Variants in TLE4 observed in about 807,000 individuals in gnomAD.
The protein encoded by TLE4 is TLE family member 4, transcriptional corepressor.
Under a neutral mutation model 92.8 loss-of-function variants are expected in TLE4, and 8 were observed. The observed-to-expected ratio is 0.09, with a 90% confidence interval of 0.05 to 0.16. The LOEUF (loss-of-function observed/expected upper bound fraction) is 0.16, where lower values mean the gene tolerates loss of function less well. Among genes scored for constraint, TLE4 ranks in the 10% least tolerant of loss-of-function variants. The probability of loss-of-function intolerance (pLI) is 1.00; values close to 1 mark genes in which losing one functional copy is unlikely to be tolerated. For synonymous variants in TLE4, 371 were observed against 374.1 expected, an observed-to-expected ratio of 0.99 and a Z score of 0.10; for missense variants, 675 against 997.6, an observed-to-expected ratio of 0.68 and a Z score of 4.36.
chr9:79,589,326 T>G (rs2041974135), intron 4 of TLE4, among the ~76,000 whole-genome samples: 1 of 152,284 alleles, frequency 6.6e-6, no homozygotes, highest in African/African-American at 2.4e-5. Flanking sequence ...GGTTTTTTCC[T>G]CCCTTTCCCA....
intron 8 of TLE4, among the ~76,000 whole-genome samples, chr9:79,656,116 C>T (rs998575280): frequency 6.6e-6 from 1 of 152,148 alleles, no homozygotes; most frequent in Non-Finnish European, 1.5e-5. Flanking sequence ...AGTTGTATTA[C>T]GTCAGGTCTG....
chr9:79,679,560 A>G (rs983017896), intron 8 of TLE4, among the ~76,000 whole-genome samples: 12 of 151,872 alleles, frequency 7.9e-5, no homozygotes, highest in African/African-American at 2.4e-4. Context: ...CTCCCATTTT[A>G]TAGGTTGCCT....
intron 8 of TLE4, among the ~76,000 whole-genome samples, chr9:79,682,993 C>A (rs2065045869): frequency 6.6e-6 from 1 of 152,170 alleles, no homozygotes; most frequent in Admixed American, 6.5e-5. Flanking sequence ...AATCTACTTC[C>A]CAGTTTGTTT....
intron 8 of TLE4, among the ~76,000 whole-genome samples, chr9:79,699,616 G>A (rs2069220549): frequency 6.6e-6 from 1 of 152,152 alleles, no homozygotes; most frequent in South Asian, 2.1e-4. Flanking sequence ...GAAGGCCATA[G>A]CTGATGAGCA....
At chr9:79,579,636 A>T (rs1013708873) in intron 4 of TLE4, among the ~76,000 whole-genome samples, 1 of 151,988 alleles carries the variant, frequency 6.6e-6, no homozygotes, top group African/African-American at 2.4e-5. Context: ...TGTATGTTTT[A>T]TGTGTGTATT....
At chr9:79,604,896 A>G (rs1450292156) in intron 4 of TLE4, among the ~76,000 whole-genome samples, 2 of 152,166 alleles carry the variant, frequency 1.3e-5, no homozygotes, top group Admixed American at 1.3e-4. Context: ...AACAAGGAGT[A>G]TCTTCTTCCC....
chr9:79,701,218 A>C (rs535001957), intron 8 of TLE4, among the ~76,000 whole-genome samples: 23 of 152,296 alleles, frequency 1.5e-4, no homozygotes, highest in South Asian at 1.0e-3. Context: ...TGATTGCCCC[A>C]GTGCCCACTG....
In TLE4 at chr9:79,678,278, C is replaced by A. The variant is rs556448638; in HGVS notation, c.609+24203C>A. Among the ~76,000 whole-genome samples the A allele has an allele frequency of 5.9e-5, 9 of 152,196 alleles. No individual in the cohort carries two copies. The East Asian group carries it at 1.7e-3, about 29-fold the overall frequency. ...TCCTGACTTTATAATGAACCTAATG[C>A]AGTAAGGCCAAAAAACTTTGTAGAT... On this transcript the variant is annotated intron_variant, in intron 8 of 19. Coordinates refer to ENST00000376552, the MANE Select transcript of TLE4 (RefSeq NM_007005.6).
intron 4 of TLE4, among the ~76,000 whole-genome samples, chr9:79,606,275 G>C (rs1035783175): frequency 9.3e-6 from 1 of 107,194 alleles, no homozygotes; most frequent in African/African-American, 3.7e-5. Context: ...TTACCAACTT[G>C]CTAGCTATAC....
At chr9:79,622,492 G>A (rs1198074439) in intron 5 of TLE4, among the ~76,000 whole-genome samples, 3 of 152,088 alleles carry the variant, frequency 2.0e-5, no homozygotes, top group Admixed American at 2.0e-4. Context: ...CTTCCTAAGG[G>A]AATCTTCCCC....
At position 79,701,714 on chromosome 9, in the gene TLE4, T is replaced by A. The variant is rs765933092; in HGVS notation, c.610-3069T>A. Among the ~76,000 whole-genome samples, 41 of 152,300 alleles carry A rather than the reference T, an allele frequency of 2.7e-4. 1 individual carries two copies. Among genetic ancestry groups the A allele is most frequent in the Non-Finnish European group, 5.7e-4 (39 of 68,026 alleles). On this transcript the variant is annotated intron_variant, in intron 8 of 19. Transcript: ENST00000376552. ...CTCTAGTGAATGGTCTCCCATGGAA[T>A]TGTTCATCCTAGTGATGCTCAGAAA...
intron 7 of TLE4, chr9:79,653,026 C>A: frequency 1.7e-6 from 1 of 582,996 alleles, no homozygotes; most frequent in Non-Finnish European, 3.2e-6. Flanking sequence ...CTGGTTATTG[C>A]CTTTGATTTC....
At chr9:79,610,303 C>CCATT (rs1263129336) in intron 4 of TLE4, among the ~76,000 whole-genome samples, 1 of 151,986 alleles carries the variant, frequency 6.6e-6, no homozygotes, top group African/African-American at 2.4e-5. Context: ...GGGCCCCACG[C>CCATT]CATTATATTA....
At chr9:79,643,983 GCAGTCAC>G (rs2057654723) in intron 6 of TLE4, among the ~76,000 whole-genome samples, 1 of 152,034 alleles carries the variant, frequency 6.6e-6, no homozygotes, top group African/African-American at 2.4e-5. Context: ...CTTAATACTA[GCAGTCAC>G]CATTTATTGA....
At chr9:79,708,340 A>T in intron 12 of TLE4, 90 bp downstream of exon 12, 1 of 1,440,628 alleles carries the variant, frequency 6.9e-7, no homozygotes, top group Non-Finnish European at 9.5e-7. Context: ...AAAAGTGCTA[A>T]TGACCAGCAT....
chr9:79,650,204 C>T (rs1021804702), intron 6 of TLE4, among the ~76,000 whole-genome samples: 5 of 152,100 alleles, frequency 3.3e-5, no homozygotes, highest in Admixed American at 2.6e-4. Context: ...GCGTGAGCCA[C>T]TGCGCCAGGC....
chr9:79,593,727 G>A (rs1204020693), intron 4 of TLE4, among the ~76,000 whole-genome samples: 1 of 152,166 alleles, frequency 6.6e-6, no homozygotes, highest in East Asian at 1.9e-4. Context: ...CATCATATAT[G>A]CTGTGTCTGA....
intron 5 of TLE4, among the ~76,000 whole-genome samples, chr9:79,623,558 T>C (rs1179369844): frequency 6.6e-6 from 1 of 152,194 alleles, no homozygotes; most frequent in Non-Finnish European, 1.5e-5. Context: ...ACCATGTTTG[T>C]ATTGCTTAAA....
At chr9:79,721,942 G>C (rs567447719) in intron 17 of TLE4, 54 bp downstream of exon 17, 2 of 1,569,298 alleles carry the variant, frequency 1.3e-6, no homozygotes, top group South Asian at 2.3e-5. Context: ...TGAGGTGGGC[G>C]GATCACCAGG....
Sources: gnomAD v4.1 joint callset for allele counts (sites outside exome capture counted in the v4.1 genomes callset) on GRCh38, gnomAD v4.1.1 for gene constraint, MANE v1.5 for transcripts, NCBI Gene and HGNC (gene_info 2026-07-23, HGNC 2026-07-21) for gene names.